MAPK8: variants seen among roughly 807,000 people sequenced by gnomAD.
MAPK8 encodes the protein JUN N-terminal kinase.
Under a neutral mutation model 52.9 loss-of-function variants are expected in MAPK8, and 13 were observed. That is an observed-to-expected ratio of 0.25 (90% CI 0.16 to 0.39). The LOEUF is 0.39. MAPK8 is among the 10% of genes least tolerant of loss of function. The pLI, the probability that MAPK8 is intolerant of heterozygous loss-of-function variation, is 1.00. For synonymous variants in MAPK8, 191 were observed against 169.8 expected, an observed-to-expected ratio of 1.12 and a Z score of -0.97; for missense variants, 300 against 519.2, an observed-to-expected ratio of 0.58 and a Z score of 4.10.
At chr10:48,415,203 C>G (rs1391078881) in intron 5 of MAPK8, among the ~76,000 whole-genome samples, 1 of 152,078 alleles carries the variant, frequency 6.6e-6, no homozygotes, top group Admixed American at 6.5e-5. Context: ...CCTACTCATA[C>G]AGTATGTGAA....
intron 1 of MAPK8, among the ~76,000 whole-genome samples, chr10:48,308,746 T>A (rs1269490946): frequency 6.6e-6 from 1 of 152,208 alleles, no homozygotes; most frequent in Non-Finnish European, 1.5e-5. Context: ...CACATAAATG[T>A]TTTATTAGAA....
intron 5 of MAPK8, among the ~76,000 whole-genome samples, chr10:48,414,988 C>A (rs1011489987): frequency 3.9e-5 from 6 of 152,004 alleles, no homozygotes; most frequent in African/African-American, 1.4e-4. Context: ...AGAGAGTTTT[C>A]ACAGTATAAG....
intron 1 of MAPK8, among the ~76,000 whole-genome samples, chr10:48,361,067 T>C (rs1174539660): frequency 6.6e-6 from 1 of 152,124 alleles, no homozygotes; most frequent in Non-Finnish European, 1.5e-5. Flanking sequence ...AAAATAAAAA[T>C]AACCAAAATC....
chr10:48,339,749 T>C (rs892581566), intron 1 of MAPK8, among the ~76,000 whole-genome samples: 2 of 152,136 alleles, frequency 1.3e-5, no homozygotes, highest in Non-Finnish European at 2.9e-5. Context: ...GCAAAGGACA[T>C]GAACAGACCT....
At chr10:48,403,181 C>T (rs796915591) in intron 2 of MAPK8, among the ~76,000 whole-genome samples, 3 of 152,194 alleles carry the variant, frequency 2.0e-5, no homozygotes, top group East Asian at 1.9e-4. Context: ...CAGAGCAAGC[C>T]GGGCGCGGTG....
In MAPK8 at chr10:48,431,262, C is replaced by G; in HGVS notation, c.1130C>G (p.Ser377Cys). Residue 377 changes from serine (S) to cysteine (C), a missense_variant, in exon 11 of 12, where the codon TCT (serine) becomes TGT (cysteine). Ser to Cys is a moderately radical substitution (Grantham distance 112). This residue lies in a region of MAPK8 where 119 missense variants were observed against 154.4 expected (regional missense o/e 0.77). Transcript: ENST00000374189. ...AATGGAGTTATACGGGGGCAGCCCTCTCCTTTAGGTTGGTTACAATATAAG... is the reference window on the plus strand; with the variant it reads ...AATGGAGTTATACGGGGGCAGCCCTGTCCTTTAGGTTGGTTACAATATAAG... ...TKNGVIRGQP[S>C]PLGAAVINGS... is the part of the protein sequence containing the mutation. The G allele has an allele frequency of 6.2e-7, 1 of 1,610,118 alleles. No homozygotes were observed. Among genetic ancestry groups the G allele is most frequent in the Non-Finnish European group, 8.5e-7 (1 of 1,176,574 alleles).
chr10:48,364,752 T>A (rs535123642), intron 1 of MAPK8, among the ~76,000 whole-genome samples: 1 of 152,310 alleles, frequency 6.6e-6, no homozygotes, highest in African/African-American at 2.4e-5. Context: ...GCAGAAACAT[T>A]TGTAATATCA....
At chr10:48,393,029 T>C (rs969316678) in intron 1 of MAPK8, among the ~76,000 whole-genome samples, 5 of 152,188 alleles carry the variant, frequency 3.3e-5, no homozygotes, top group African/African-American at 1.2e-4. Flanking sequence ...TCTTGTTTTC[T>C]GTCTAGGTCT....
chr10:48,403,750 T>C (rs528770677), intron 2 of MAPK8, among the ~76,000 whole-genome samples: 8 of 144,974 alleles, frequency 5.5e-5, no homozygotes, highest in Non-Finnish European at 1.2e-4. Context: ...TGTTTTTTTG[T>C]TTTTTTGTTT....
chr10:48,334,938 C>A (rs919912524), intron 1 of MAPK8, among the ~76,000 whole-genome samples: 2 of 152,164 alleles, frequency 1.3e-5, no homozygotes, highest in Non-Finnish European at 2.9e-5. Flanking sequence ...TCTTCCCAGA[C>A]GTTGCCTAAG....
At chr10:48,424,514 T>C in intron 7 of MAPK8, 1 of 1,579,778 alleles carries the variant, frequency 6.3e-7, no homozygotes, top group Non-Finnish European at 8.6e-7. Flanking sequence ...TTGTTTTCAG[T>C]TGACATTTGG....
In MAPK8 at chr10:48,332,484, A is replaced by T. The variant is rs77352221; in HGVS notation, c.-50+25663A>T. ...TCAGGGGTTTACTTATTTTTCTTCCATCGGGAAGTATCCATCTCATCTTCA... is the reference window on the plus strand; with the variant it reads ...TCAGGGGTTTACTTATTTTTCTTCCTTCGGGAAGTATCCATCTCATCTTCA... On this transcript the variant is annotated intron_variant, in intron 1 of 11. Coordinates refer to ENST00000374189, the MANE Select transcript of MAPK8 (RefSeq NM_001323329.2). Among the ~76,000 whole-genome samples, 240 of 152,254 alleles carry T rather than the reference A, an allele frequency of 1.6e-3. 4 individuals are homozygous for T. In the East Asian group the frequency reaches 0.028, roughly 18 times the overall value.
At position 48,389,479 on chromosome 10, in the gene MAPK8, T is replaced by C. The variant is rs1170107604; in HGVS notation, c.-49-12133T>C. Among the ~76,000 whole-genome samples the C allele has an allele frequency of 5.3e-5, 8 of 152,314 alleles. No individual in the cohort carries two copies. The South Asian group carries it at 1.0e-3, about 20-fold the overall frequency. On this transcript the variant is annotated intron_variant, in intron 1 of 11. Coordinates refer to ENST00000374189, the MANE Select transcript of MAPK8 (RefSeq NM_001323329.2). ...ATAACTGATTAGACCAGGGCAAGCC[T>C]CTGGCTCAAGGCTAATGGCTTATGA... is the stretch of plus-strand genomic sequence containing the variant.
chr10:48,431,575 C>A (rs1489610143), intron 11 of MAPK8, among the ~76,000 whole-genome samples: 1 of 152,112 alleles, frequency 6.6e-6, no homozygotes, highest in Non-Finnish European at 1.5e-5. Flanking sequence ...AATATACATA[C>A]CTTTCTATGA....
chr10:48,435,054 A>ACTTTGGGGGCCGGGGGGGGGGGGG lies in MAPK8; in HGVS notation c.*25_*26insCTTTGGGGGCCGGGGGGGGGGGGG. ...ACTACTTGGGCCATCGGGGGGTGGGAGGGATGGGGAGTCGGTTAGTCATTG... is the reference window on the plus strand; with the variant it reads ...ACTACTTGGGCCATCGGGGGGTGGGACTTTGGGGGCCGGGGGGGGGGGGGGGGATGGGGAGTCGGTTAGTCATTG... On this transcript the variant is annotated 3_prime_UTR_variant, in exon 12 of 12. Coordinates refer to ENST00000374189, the MANE Select transcript of MAPK8 (RefSeq NM_001323329.2). 2.7e-6 allele frequency: 1 copy of ACTTTGGGGGCCGGGGGGGGGGGGG among 373,720 alleles called. No homozygotes were observed. 23.2% of individuals were successfully genotyped at this position (373,720 alleles called of 1,614,324 possible).
In MAPK8 at chr10:48,367,352, G is replaced by A. The variant is rs1365462023; in HGVS notation, c.-49-34260G>A. On this transcript the variant is annotated intron_variant, in intron 1 of 11. Coordinates refer to ENST00000374189, the MANE Select transcript of MAPK8 (RefSeq NM_001323329.2). ...GTTGCATTCCAGCCTGGGTGGCAGA[G>A]TGAGATCTTGTTTAAAAATTAAAAA... Among the ~76,000 whole-genome samples the A allele has an allele frequency of 2.0e-5, 3 of 151,936 alleles. No individual in the cohort carries two copies. In the South Asian group the frequency reaches 6.2e-4, roughly 32 times the overall value.
At chr10:48,393,827 A>T (rs1376551055) in intron 1 of MAPK8, among the ~76,000 whole-genome samples, 1 of 152,056 alleles carries the variant, frequency 6.6e-6, no homozygotes, top group East Asian at 1.9e-4. Context: ...GAAAATAAAG[A>T]TAAAATAGGA....
intron 1 of MAPK8, among the ~76,000 whole-genome samples, chr10:48,319,576 A>T (rs1842798725): frequency 6.6e-6 from 1 of 150,434 alleles, no homozygotes; most frequent in South Asian, 2.1e-4. Context: ...TACAGCCTCC[A>T]CCTCCCGGGT....
At position 48,401,622 on chromosome 10, in the gene MAPK8, A is replaced by G. The variant is rs1388015101; in HGVS notation, c.-39A>G. Reference sequence around the variant, plus strand: ...TGTTGCATCTTGCAGCTTCTTGGTGAATTTTTGGATGAAGCCATTAAATTA... The same window carrying G: ...TGTTGCATCTTGCAGCTTCTTGGTGGATTTTTGGATGAAGCCATTAAATTA... On this transcript the variant is annotated 5_prime_UTR_variant, in exon 2 of 12. Transcript: ENST00000374189. The G allele has an allele frequency of 6.2e-7, 1 of 1,601,628 alleles. No individual in the cohort carries two copies. The highest frequency in any genetic ancestry group is 8.5e-7 in the Non-Finnish European group (1 of 1,176,068).
Sources: gnomAD v4.1 joint callset for allele counts (sites outside exome capture counted in the v4.1 genomes callset) on GRCh38, gnomAD v4.1.1 for gene constraint, gnomAD v4.1.1 regional missense constraint, MANE v1.5 for transcripts, NCBI Gene and HGNC (gene_info 2026-07-23, HGNC 2026-07-21) for gene names.